Variants in NAV1 observed in about 807,000 individuals in gnomAD.
The protein encoded by NAV1 is pore membrane and/or filament interacting like protein 3.
In NAV1, 18 loss-of-function variants were observed where a neutral mutation model predicts 175.2. The ratio of observed to expected loss-of-function variants is 0.10; its 90% CI spans 0.07 to 0.15. The LOEUF (loss-of-function observed/expected upper bound fraction) is 0.15, where lower values mean the gene tolerates loss of function less well. Among genes scored for constraint, NAV1 ranks in the 10% least tolerant of loss-of-function variants. NAV1 has a pLI of 1.00. For synonymous variants in NAV1, 897 were observed against 978.7 expected, an observed-to-expected ratio of 0.92 and a Z score of 1.56; for missense variants, 1,731 against 2,436.6, an observed-to-expected ratio of 0.71 and a Z score of 6.10.
In NAV1 at chr1:201,564,676, A is replaced by G. The variant is rs147890915; in HGVS notation, c.-143-23863A>G. Among the ~76,000 whole-genome samples, 558 of 152,358 alleles carry G rather than the reference A, an allele frequency of 3.7e-3. 5 individuals are homozygous for G. The highest frequency in any genetic ancestry group is 0.012 in the African/African-American group (519 of 41,582). ...GTTTTCTAGGCTGCTGTAACAAATG[A>G]CCACAAGCTTAGTGTCTTAACACAG... On this transcript the variant is annotated intron_variant, in intron 1 of 33. Coordinates refer to the NAV1 transcript ENST00000685211.
At chr1:201,624,801 T>C (rs1395911364) in intron 1 of NAV1, among the ~76,000 whole-genome samples, 1 of 152,186 alleles carries the variant, frequency 6.6e-6, no homozygotes, top group Non-Finnish European at 1.5e-5. Flanking sequence ...TTTTTTCCCC[T>C]ATGCTAATGG....
chr1:201,573,635 A>G (rs1413732758), intron 1 of NAV1, among the ~76,000 whole-genome samples: 1 of 152,176 alleles, frequency 6.6e-6, no homozygotes, highest in South Asian at 2.1e-4. Context: ...TGCTGTACCT[A>G]TCTCCCAGGG....
chr1:201,715,047 G>A (rs1403208243), intron 2 of NAV1, among the ~76,000 whole-genome samples: 2 of 152,110 alleles, frequency 1.3e-5, no homozygotes, highest in Admixed American at 6.5e-5. Context: ...CAAGAGCCCC[G>A]GAGCTGGTTT....
intron 2 of NAV1, among the ~76,000 whole-genome samples, chr1:201,636,537 C>T (rs1018958879): frequency 6.6e-6 from 1 of 152,142 alleles, no homozygotes; most frequent in African/African-American, 2.4e-5. Flanking sequence ...GAGTCCCAGG[C>T]TTCAGAGGGA....
chr1:201,681,112 G>A (rs912310839), intron 1 of NAV1, among the ~76,000 whole-genome samples: 5 of 152,054 alleles, frequency 3.3e-5, no homozygotes, highest in African/African-American at 1.2e-4. Flanking sequence ...GCACAGCTGA[G>A]ACCATGTCAC....
chr1:201,573,493 T>A (rs1666607138), intron 1 of NAV1, among the ~76,000 whole-genome samples: 1 of 152,168 alleles, frequency 6.6e-6, no homozygotes, highest in Non-Finnish European at 1.5e-5. Context: ...CTGCACCAGT[T>A]CTTCCTGACA....
intron 2 of NAV1, among the ~76,000 whole-genome samples, chr1:201,594,205 C>T (rs936142544): frequency 6.6e-6 from 1 of 152,046 alleles, no homozygotes; most frequent in African/African-American, 2.4e-5. Flanking sequence ...ATCAAAAGGC[C>T]ATTTTGGGCC....
intron 1 of NAV1, among the ~76,000 whole-genome samples, chr1:201,656,180 G>A (rs1669395390): frequency 6.6e-6 from 1 of 152,268 alleles, no homozygotes; most frequent in South Asian, 2.1e-4. Context: ...AGCCATCCTG[G>A]AATCTATTTT....
intron 3 of NAV1, among the ~76,000 whole-genome samples, chr1:201,743,626 A>G (rs1342973672): frequency 1.3e-5 from 2 of 152,084 alleles, no homozygotes; most frequent in African/African-American, 2.4e-5. Context: ...CAGAAGCAAG[A>G]GTCTCTCCCA....
At position 201,583,396 on chromosome 1, in the gene NAV1, G is replaced by A. The variant is rs1364458507; in HGVS notation, c.-143-5143G>A. Among the ~76,000 whole-genome samples the A allele has an allele frequency of 5.3e-5, 8 of 152,216 alleles. No individual in the cohort carries two copies. The South Asian group carries it at 6.2e-4, about 12-fold the overall frequency. ...CATCTGCAATTAAGACAAAAAGCTCGTTATCTCTCCCGCTCCCATTATCTG... is the reference window on the plus strand; with the variant it reads ...CATCTGCAATTAAGACAAAAAGCTCATTATCTCTCCCGCTCCCATTATCTG... On this transcript the variant is annotated intron_variant, in intron 1 of 33. Transcript: ENST00000685211.
intron 1 of NAV1, among the ~76,000 whole-genome samples, chr1:201,576,607 C>T (rs957437726): frequency 4.6e-5 from 7 of 152,052 alleles, no homozygotes; most frequent in African/African-American, 1.7e-4. Context: ...TATATTCATT[C>T]GTGTAGAGGT....
At chr1:201,593,479 C>T (rs1000540437) in intron 2 of NAV1, among the ~76,000 whole-genome samples, 4 of 152,344 alleles carry the variant, frequency 2.6e-5, no homozygotes, top group Non-Finnish European at 5.9e-5. Flanking sequence ...ATTAGTCTGG[C>T]CCTGGGGCAG....
At chr1:201,667,867 C>T (rs988335721) in intron 1 of NAV1, among the ~76,000 whole-genome samples, 19 of 152,176 alleles carry the variant, frequency 1.2e-4, no homozygotes, top group Non-Finnish European at 1.5e-5. Flanking sequence ...GAGGGATCCT[C>T]TTCTGGAAGA....
chr1:201,692,556 T>C (rs1004292794), intron 1 of NAV1, among the ~76,000 whole-genome samples: 5 of 152,238 alleles, frequency 3.3e-5, no homozygotes, highest in Non-Finnish European at 5.9e-5. Flanking sequence ...CTGGTCTCCA[T>C]TAAAAGCATT....
chr1:201,672,237 A>G (rs2102380805), intron 1 of NAV1, among the ~76,000 whole-genome samples: 1 of 152,356 alleles, frequency 6.6e-6, no homozygotes, highest in East Asian at 1.9e-4. Context: ...AAACAATACT[A>G]TGCACAATAT....
chr1:201,620,941 C>G (rs1327509677), upstream of NAV1, among the ~76,000 whole-genome samples: 1 of 151,958 alleles, frequency 6.6e-6, no homozygotes, highest in Non-Finnish European at 1.5e-5. Flanking sequence ...TTTTCTTGTT[C>G]ACAGGGTCTC....
At chr1:201,563,962 T>TA (rs1666279361) in intron 1 of NAV1, among the ~76,000 whole-genome samples, 1 of 151,770 alleles carries the variant, frequency 6.6e-6, no homozygotes. Context: ...CCAGGCATGG[T>TA]AGTGTGTCCC....
intron 3 of NAV1, among the ~76,000 whole-genome samples, chr1:201,734,498 G>GAA (rs775557224): frequency 0.15 from 18,045 of 122,402 alleles, 1,865 homozygotes; most frequent in Non-Finnish European, 0.19. Flanking sequence ...AGAAGGAGAA[G>GAA]GAGAAGAAGA....
At chr1:201,658,468 TA>T (rs1193940802) in intron 1 of NAV1, among the ~76,000 whole-genome samples, 2 of 150,778 alleles carry the variant, frequency 1.3e-5, no homozygotes, top group South Asian at 2.1e-4. Context: ...GCAGTAGAGG[TA>T]AAAAAAACTA....
Sources: allele counts gnomAD v4.1 joint callset (sites outside exome capture counted in the v4.1 genomes callset), GRCh38; gene constraint gnomAD v4.1.1; transcripts MANE v1.5; gene names NCBI Gene and HGNC (gene_info 2026-07-23, HGNC 2026-07-21).